Variants in EMID1 observed in about 807,000 individuals in gnomAD.
The protein encoded by EMID1 is EMI domain containing 1.
Under a neutral mutation model 60.6 loss-of-function variants are expected in EMID1, and 40 were observed. The ratio of observed to expected loss-of-function variants is 0.66; its 90% CI spans 0.51 to 0.86. The LOEUF is 0.86. EMID1 is among the 40% of genes least tolerant of loss of function. The pLI, the probability that EMID1 is intolerant of heterozygous loss-of-function variation, is 0.00. For synonymous variants in EMID1, 242 were observed against 231.0 expected (o/e 1.05, Z -0.43); for missense variants, 585 against 597.1 (o/e 0.98, Z 0.21).
rs2040832001 is a variant in EMID1 at position 29,233,537 on chromosome 22, T to C, written c.913+69T>C. 8 of 1,605,642 alleles carry C rather than the reference T, an allele frequency of 5.0e-6. No homozygotes were observed. In the East Asian group the frequency reaches 1.3e-4, roughly 27 times the overall value. On this transcript the variant is annotated intron_variant, in intron 9 of 14. Coordinates refer to ENST00000334018, the MANE Select transcript of EMID1 (RefSeq NM_133455.4). ...TGGCAGAGGGAATAGGGTTTGTGGC[T>C]ATCAGGAGGGAGCTGATGGGGCACT...
intron 3 of EMID1, chr22:29,216,782 T>C (rs1002556379): frequency 3.3e-5 from 18 of 543,726 alleles, no homozygotes; most frequent in Admixed American, 1.3e-4. Flanking sequence ...CACCACGCAG[T>C]GGGGAGGGGT....
At chr22:29,231,937 C>T (rs1315567684) in intron 7 of EMID1, 6 of 572,150 alleles carry the variant, frequency 1.0e-5, no homozygotes, top group Non-Finnish European at 1.5e-5. Context: ...CAGACATGTC[C>T]CTGCCCTTCT....
At chr22:29,226,632 C>T (rs71329462) in intron 5 of EMID1, 81 bp downstream of exon 5, 1 of 1,424,024 alleles carries the variant, frequency 7.0e-7, no homozygotes, top group Middle Eastern at 1.9e-4. Context: ...CTCCCCACCT[C>T]CTTCCCCGCA....
intron 10 of EMID1, chr22:29,233,867 T>A: frequency 1.5e-6 from 1 of 678,148 alleles, no homozygotes; most frequent in Non-Finnish European, 2.5e-6. Context: ...ATCCAAGTAA[T>A]GAGAACCATG....
intron 8 of EMID1, 192 bp from the exon 9 acceptor site, chr22:29,233,187 T>A (rs1313370714): frequency 3.1e-6 from 2 of 644,042 alleles, no homozygotes; most frequent in Non-Finnish European, 5.5e-6. Context: ...AGAACCCACA[T>A]CTCCCTGCCT....
intron 1 of EMID1, among the ~76,000 whole-genome samples, chr22:29,212,490 C>A (rs974123901): frequency 1.3e-5 from 2 of 151,988 alleles, no homozygotes; most frequent in Non-Finnish European, 2.9e-5. Context: ...TGAGTTCCAA[C>A]CCTGACTGTG....
intron 1 of EMID1, among the ~76,000 whole-genome samples, chr22:29,212,502 C>T (rs1601899038): frequency 1.3e-5 from 2 of 151,574 alleles, no homozygotes; most frequent in South Asian, 2.1e-4. Context: ...CTGACTGTGC[C>T]GCCTATCATG....
chr22:29,221,102 T>TAGG, intron 3 of EMID1, among the ~76,000 whole-genome samples: 3 of 141,330 alleles, frequency 2.1e-5, no homozygotes, highest in African/African-American at 2.7e-5. Flanking sequence ...TGTGTGTGTG[T>TAGG]GTGTGTGTGT....
At chr22:29,221,686 T>A (rs2040306985) in intron 3 of EMID1, among the ~76,000 whole-genome samples, 1 of 152,096 alleles carries the variant, frequency 6.6e-6, no homozygotes, top group African/African-American at 2.4e-5. Flanking sequence ...GATATGACAT[T>A]TTGTCCAACA....
rs1468949391 is a variant in EMID1 at position 29,233,439 on chromosome 22, C to T, written c.884C>T (p.Thr295Ile). The T allele has an allele frequency of 1.5e-5, 25 of 1,614,228 alleles. No individual in the cohort carries two copies. The highest frequency in any genetic ancestry group is 1.9e-5 in the Non-Finnish European group (23 of 1,180,010). Residue 295 changes from threonine to isoleucine, a missense_variant, in exon 9 of 15, where the codon ACT (threonine) becomes ATT (isoleucine). By Grantham distance (89) the Thr-to-Ile change is moderately conservative. Coordinates refer to ENST00000334018, the MANE Select transcript of EMID1 (RefSeq NM_133455.4). ...ETNNHWPQGPTGPPGPPGPMG... is the reference protein window; with the variant it reads ...ETNNHWPQGPIGPPGPPGPMG... ...AACAACCACTGGCCCCAGGGACCCA[C>T]TGGGCCTCCAGGCCCTCCAGGGCCC...
chr22:29,259,382 C>G lies in EMID1; in HGVS notation c.*438C>G, dbSNP rs8550. Reference sequence around the variant, plus strand: ...TCCCTCCTTGTTGTCCAGTGCTGGGCTCCCCACCCCGAGGTCAGGCTGCCC... The same window carrying G: ...TCCCTCCTTGTTGTCCAGTGCTGGGGTCCCCACCCCGAGGTCAGGCTGCCC... On this transcript the variant is annotated 3_prime_UTR_variant, in exon 15 of 15. Coordinates refer to ENST00000334018, the MANE Select transcript of EMID1 (RefSeq NM_133455.4). The G allele has an allele frequency of 1.6e-5, 3 of 191,698 alleles. No individual in the cohort carries two copies. Among genetic ancestry groups the G allele is most frequent in the Non-Finnish European group, 3.2e-5 (3 of 93,746 alleles). The allele number at this position is 191,698 out of a possible 1,614,324, so 11.9% of individuals were successfully genotyped here. A position where few individuals can be genotyped will look rare whatever the true frequency, so the allele number is the denominator to read the frequency against.
chr22:29,258,970 C>T lies in EMID1; in HGVS notation c.*26C>T. ...GGGTGGTGGCGGCCCCTGAGGCAGACCAGGCCAGGCTTCCCCTCCTACCTG... is the reference window on the plus strand; with the variant it reads ...GGGTGGTGGCGGCCCCTGAGGCAGATCAGGCCAGGCTTCCCCTCCTACCTG... On this transcript the variant is annotated 3_prime_UTR_variant, in exon 15 of 15. Coordinates refer to ENST00000334018, the MANE Select transcript of EMID1 (RefSeq NM_133455.4). 6.2e-7 allele frequency: 1 copy of T among 1,604,606 alleles called. No individual in the cohort carries two copies.
Position 29,225,154 on chromosome 22 carries a change from T to C in EMID1, c.341T>C (p.Leu114Ser), listed in dbSNP as rs946226746. The C allele has an allele frequency of 1.2e-6, 2 of 1,613,996 alleles. No individual in the cohort carries two copies. The highest frequency in any genetic ancestry group is 1.7e-6 in the Non-Finnish European group (2 of 1,180,014). The change falls in exon 4 of 15, where the codon TTG becomes TCG. Residue 114 changes from leucine to serine, a missense_variant. By Grantham distance (145) the Leu-to-Ser change is moderately radical (BLOSUM62 -2). Transcript: ENST00000334018. ...CEEVAASSAS[L>S]EPMWSGSTMR... ...TTAGTTGCAGCTTCCTCTGCCTCCTTGGAGCCCATGTGGTCGGGCAGTACC... is the reference window on the plus strand; with the variant it reads ...TTAGTTGCAGCTTCCTCTGCCTCCTCGGAGCCCATGTGGTCGGGCAGTACC...
intron 12 of EMID1, among the ~76,000 whole-genome samples, chr22:29,234,730 T>C (rs1354659826): frequency 6.6e-6 from 1 of 152,240 alleles, no homozygotes; most frequent in Admixed American, 6.5e-5. Flanking sequence ...TAATGTCTCC[T>C]TGGTCATTTT....
In EMID1 at chr22:29,233,595, A is replaced by G; in HGVS notation, c.914-19A>G. ...ATTGTACTTTGTTCCGGCCCTTAGGACATCCTGTCTTTTTCCAGGTCCCCC... is the reference window on the plus strand; with the variant it reads ...ATTGTACTTTGTTCCGGCCCTTAGGGCATCCTGTCTTTTTCCAGGTCCCCC... On this transcript the variant is annotated intron_variant, in intron 9 of 14. Coordinates refer to ENST00000334018, the MANE Select transcript of EMID1 (RefSeq NM_133455.4). The G allele has an allele frequency of 6.2e-7, 1 of 1,612,816 alleles. No homozygotes were observed. Among genetic ancestry groups the G allele is most frequent in the East Asian group, 2.2e-5 (1 of 44,854 alleles).
At chr22:29,237,072 G>C (rs1238408110) in intron 12 of EMID1, among the ~76,000 whole-genome samples, 2 of 151,912 alleles carry the variant, frequency 1.3e-5, no homozygotes. Context: ...TGGAATTACG[G>C]GTGTGAGCCA....
chr22:29,219,496 C>A (rs1243213810), intron 3 of EMID1, among the ~76,000 whole-genome samples: 1 of 152,124 alleles, frequency 6.6e-6, no homozygotes, highest in Non-Finnish European at 1.5e-5. Context: ...AGCCTAAGAA[C>A]AGGCCAGGCA....
intron 13 of EMID1, among the ~76,000 whole-genome samples, chr22:29,244,638 CAAA>C (rs772867248): frequency 1.9e-5 from 2 of 105,272 alleles, no homozygotes; most frequent in African/African-American, 3.7e-5. Flanking sequence ...GACTCTGTCT[CAAA>C]AAAAAAAAAA....
chr22:29,254,117 C>T, intron 13 of EMID1, 86 bp from the exon 14 acceptor site: 8 of 1,599,286 alleles, frequency 5.0e-6, no homozygotes, highest in South Asian at 3.3e-5. Context: ...GGTGCATGTC[C>T]CGGGTGGGGC....
Sources: gnomAD v4.1 joint callset for allele counts (sites outside exome capture counted in the v4.1 genomes callset) on GRCh38, gnomAD v4.1.1 for gene constraint, MANE v1.5 for transcripts, NCBI Gene and HGNC (gene_info 2026-07-23, HGNC 2026-07-21) for gene names.